The following MAGI1 variants were observed in gnomAD, a reference collection of about 807,000 sequenced individuals.
The protein encoded by MAGI1 is membrane associated guanylate kinase, WW and PDZ domain containing 1.
In MAGI1, 58 loss-of-function variants were observed where a neutral mutation model predicts 139.9. That is an observed-to-expected ratio of 0.41 (90% confidence interval 0.34 to 0.52). MAGI1 has a LOEUF of 0.52. MAGI1 is among the 20% of genes least tolerant of loss of function. The probability of loss-of-function intolerance (pLI) is 0.12; values close to 1 mark genes in which losing one functional copy is unlikely to be tolerated. For synonymous variants in MAGI1, 812 were observed against 737.9 expected (o/e 1.10, Z -1.63); for missense variants, 1,874 against 1,901.6 (o/e 0.99, Z 0.27).
intron 12 of MAGI1, among the ~76,000 whole-genome samples, chr3:65,421,850 A>C (rs1435237657): frequency 1.3e-5 from 2 of 152,156 alleles, no homozygotes; most frequent in African/African-American, 4.8e-5. Flanking sequence ...AATTCCTTGC[A>C]TCCCCTAACA....
intron 1 of MAGI1, among the ~76,000 whole-genome samples, chr3:65,797,575 G>C (rs1393248968): frequency 6.6e-6 from 1 of 152,030 alleles, no homozygotes; most frequent in African/African-American, 2.4e-5. Flanking sequence ...AATTAGCCTG[G>C]TGTGGTGGCA....
chr3:65,854,045 T>C (rs1352215064), intron 1 of MAGI1, among the ~76,000 whole-genome samples: 2 of 151,590 alleles, frequency 1.3e-5, no homozygotes, highest in Admixed American at 6.6e-5. Flanking sequence ...GAGGTGGAGG[T>C]TGCAGTGAGC....
intron 1 of MAGI1, among the ~76,000 whole-genome samples, chr3:65,732,176 A>G (rs1431625319): frequency 6.6e-6 from 1 of 152,252 alleles, no homozygotes; most frequent in East Asian, 1.9e-4. Context: ...CAGAATCTAG[A>G]GAAGAAAAGT....
At position 65,467,300 on chromosome 3, in the gene MAGI1, G is replaced by T. The variant is rs190386996; in HGVS notation, c.959+2983C>A. ...AATGTGTATATATTTGCATGTGAGT[G>T]TACATACACGTACATGCATAAACAA... On this transcript the variant is annotated intron_variant, in intron 5 of 22. Coordinates refer to ENST00000402939, the MANE Select transcript of MAGI1 (RefSeq NM_001033057.2). Among the ~76,000 whole-genome samples the T allele has an allele frequency of 9.2e-5, 14 of 152,292 alleles. No individual in the cohort carries two copies. In the East Asian group the frequency reaches 1.9e-3, roughly 21 times the overall value.
At chr3:65,649,727 G>A (rs1407190037) in intron 1 of MAGI1, among the ~76,000 whole-genome samples, 1 of 152,152 alleles carries the variant, frequency 6.6e-6, no homozygotes, top group Non-Finnish European at 1.5e-5. Flanking sequence ...CACTAAAGAA[G>A]ATAGTGATGG....
At chr3:65,758,964 C>G (rs1183996187) in intron 1 of MAGI1, among the ~76,000 whole-genome samples, 2 of 140,752 alleles carry the variant, frequency 1.4e-5, no homozygotes, top group Middle Eastern at 3.6e-3. Flanking sequence ...TGTTAGAATT[C>G]AAATGTTAAA....
At chr3:65,814,597 T>C (rs780745078) in intron 1 of MAGI1, among the ~76,000 whole-genome samples, 3 of 152,210 alleles carry the variant, frequency 2.0e-5, no homozygotes, top group Non-Finnish European at 2.9e-5. Flanking sequence ...GTTTTTCAGC[T>C]AAGAAAGCAA....
intron 1 of MAGI1, among the ~76,000 whole-genome samples, chr3:65,628,451 AC>A (rs1320664554): frequency 2.0e-5 from 3 of 152,174 alleles, no homozygotes; most frequent in African/African-American, 7.2e-5. Flanking sequence ...AAATGGCATT[AC>A]ACAGGACACA....
At chr3:65,844,580 C>T (rs2108356559) in intron 1 of MAGI1, 1 of 187,956 alleles carries the variant, frequency 5.3e-6, no homozygotes, top group Non-Finnish European at 1.1e-5. Context: ...CTCCACTTAA[C>T]TTCAAAACAC....
chr3:65,976,286 G>T (rs974806115), intron 1 of MAGI1, among the ~76,000 whole-genome samples: 6 of 152,098 alleles, frequency 3.9e-5, no homozygotes, highest in Admixed American at 6.6e-5. Context: ...TTTTTAAACG[G>T]AGTGGGATGA....
intron 2 of MAGI1, among the ~76,000 whole-genome samples, chr3:65,603,868 A>G (rs1576450832): frequency 6.6e-6 from 1 of 152,182 alleles, no homozygotes; most frequent in African/African-American, 2.4e-5. Flanking sequence ...GGGTCCTCAC[A>G]TGACAGAAGA....
At chr3:65,401,674 T>A (rs1223443218) in intron 12 of MAGI1, 11 of 1,544,856 alleles carry the variant, frequency 7.1e-6, no homozygotes, top group Non-Finnish European at 9.6e-6. Context: ...AGGCAGGAGA[T>A]CTATCTGCAT....
intron 6 of MAGI1, among the ~76,000 whole-genome samples, chr3:65,450,566 T>G (rs1483935507): frequency 6.6e-6 from 1 of 152,182 alleles, no homozygotes; most frequent in Non-Finnish European, 1.5e-5. Context: ...TCAGTTTTAA[T>G]GGTTTTAATA....
chr3:65,375,344 G>A (rs370837176), intron 18 of MAGI1, among the ~76,000 whole-genome samples: 5 of 152,054 alleles, frequency 3.3e-5, no homozygotes, highest in Non-Finnish European at 7.4e-5. Context: ...GCCCGCCACC[G>A]CGCCCGGCTA....
At chr3:65,638,897 A>G (rs2084810324) in intron 1 of MAGI1, among the ~76,000 whole-genome samples, 2 of 152,018 alleles carry the variant, frequency 1.3e-5, no homozygotes, top group South Asian at 4.2e-4. Context: ...GTGAGCCACC[A>G]GGCGTGGCCG....
chr3:65,667,876 AT>A (rs1230389811), intron 1 of MAGI1, among the ~76,000 whole-genome samples: 4 of 152,022 alleles, frequency 2.6e-5, no homozygotes, highest in Admixed American at 6.6e-5. Context: ...GAAGAAACCA[AT>A]TTTTTTTAAC....
At chr3:65,592,287 A>G (rs2082005236) in intron 2 of MAGI1, among the ~76,000 whole-genome samples, 1 of 152,210 alleles carries the variant, frequency 6.6e-6, no homozygotes, top group African/African-American at 2.4e-5. Context: ...ACTGACATGG[A>G]AAGTTGCCCA....
chr3:65,366,099 C>A (rs941089540), intron 18 of MAGI1, among the ~76,000 whole-genome samples: 1 of 152,146 alleles, frequency 6.6e-6, no homozygotes, highest in African/African-American at 2.4e-5. Context: ...TAGCTGTGTG[C>A]CTTATTTTTC....
intron 1 of MAGI1, among the ~76,000 whole-genome samples, chr3:66,025,717 T>C (rs370777496): frequency 5.9e-5 from 9 of 152,334 alleles, no homozygotes; most frequent in African/African-American, 2.2e-4. Context: ...TGTCTGTGTG[T>C]GTGTATGTGT....
Sources: gnomAD v4.1 joint callset for allele counts (sites outside exome capture counted in the v4.1 genomes callset) on GRCh38, gnomAD v4.1.1 for gene constraint, MANE v1.5 for transcripts, NCBI Gene and HGNC (gene_info 2026-07-23, HGNC 2026-07-21) for gene names.